Variants in SHROOM3 observed in about 807,000 individuals in gnomAD.
SHROOM3 encodes the protein shroom family member 3, also known as protein Shroom3.
A neutral mutation model predicts 138.6 loss-of-function variants in SHROOM3; 47 were observed. The observed-to-expected ratio is 0.34, with a 90% confidence interval of 0.27 to 0.43. The LOEUF (loss-of-function observed/expected upper bound fraction) is 0.43, where lower values mean the gene tolerates loss of function less well. SHROOM3 is among the 20% of genes least tolerant of loss of function. SHROOM3 has a pLI of 1.00. For missense variants in SHROOM3, 2,491 were observed against 2,596.5 expected, an observed-to-expected ratio of 0.96 and a Z score of 0.88; for synonymous variants, 1,062 against 1,063.3, an observed-to-expected ratio of 1.00 and a Z score of 0.02.
At chr4:76,675,299 A>T (rs1028191034) in intron 2 of SHROOM3, among the ~76,000 whole-genome samples, 2 of 152,204 alleles carry the variant, frequency 1.3e-5, no homozygotes, top group African/African-American at 4.8e-5. Flanking sequence ...CAGAATTCTT[A>T]ACCTGGCAAC....
intron 9 of SHROOM3, among the ~76,000 whole-genome samples, chr4:76,766,043 T>G (rs1002282367): frequency 3.3e-4 from 51 of 152,320 alleles, no homozygotes; most frequent in Middle Eastern, 3.4e-3. Context: ...GTGATGAAAG[T>G]CTGAAGCCAG....
At chr4:76,716,513 G>C (rs538709094) in intron 3 of SHROOM3, 34 of 447,468 alleles carry the variant, frequency 7.6e-5, no homozygotes, top group African/African-American at 6.3e-4. Context: ...TGCTATATCT[G>C]TTTATAAAGA....
At chr4:76,525,201 G>A (rs1344444159) in intron 1 of SHROOM3, among the ~76,000 whole-genome samples, 1 of 152,182 alleles carries the variant, frequency 6.6e-6, no homozygotes, top group Non-Finnish European at 1.5e-5. Flanking sequence ...TGCTGGGGAG[G>A]CCTCAGGAAA....
At chr4:76,473,646 T>A (rs1166858802) in intron 1 of SHROOM3, among the ~76,000 whole-genome samples, 4 of 152,048 alleles carry the variant, frequency 2.6e-5, no homozygotes, top group Non-Finnish European at 5.9e-5. Context: ...CATTTTAAAA[T>A]GGGCAAGAGG....
At chr4:76,518,013 T>C (rs1436104548) in intron 1 of SHROOM3, among the ~76,000 whole-genome samples, 1 of 152,204 alleles carries the variant, frequency 6.6e-6, no homozygotes, top group Non-Finnish European at 1.5e-5. Context: ...ATCAGATTTT[T>C]TTTAGTCCAG....
rs1446882534 is a variant in SHROOM3, at chr4:76,770,339, A to C, written c.5350-287A>C. On this transcript the variant is annotated intron_variant, in intron 9 of 10. Coordinates refer to ENST00000296043, the MANE Select transcript of SHROOM3 (RefSeq NM_020859.4). ...AACTCTGTCTCAAAAAAAAAAAAAAAAAAAAAAAAAAACAGAAGACAAAGC... is the reference window on the plus strand; with the variant it reads ...AACTCTGTCTCAAAAAAAAAAAAAACAAAAAAAAAAAACAGAAGACAAAGC... 5.4e-5 allele frequency among the ~76,000 whole-genome samples: 8 copies of C among 149,200 alleles called. No individual in the cohort carries two copies. The South Asian group carries it at 1.3e-3, about 24-fold the overall frequency.
At chr4:76,629,268 G>T (rs1160904376) in intron 2 of SHROOM3, among the ~76,000 whole-genome samples, 1 of 152,178 alleles carries the variant, frequency 6.6e-6, no homozygotes, top group Non-Finnish European at 1.5e-5. Flanking sequence ...AGACTCTAAG[G>T]CCAAGACCAT....
chr4:76,590,601 T>C (rs1311686505), intron 2 of SHROOM3, among the ~76,000 whole-genome samples: 1 of 152,004 alleles, frequency 6.6e-6, no homozygotes, highest in Non-Finnish European at 1.5e-5. Flanking sequence ...TCAGATTTTT[T>C]CTACACAGTG....
chr4:76,469,882 T>C (rs919986208), intron 1 of SHROOM3, among the ~76,000 whole-genome samples: 12 of 136,942 alleles, frequency 8.8e-5, no homozygotes, highest in African/African-American at 3.4e-4. Context: ...TTTTAAGAGA[T>C]AGAGCTTTAT....
At chr4:76,727,842 T>A (rs1265941459) in intron 3 of SHROOM3, among the ~76,000 whole-genome samples, 1 of 137,376 alleles carries the variant, frequency 7.3e-6, no homozygotes, top group African/African-American at 2.7e-5. Flanking sequence ...GAGCCAAGAT[T>A]GTGCCATTGC....
chr4:76,585,224 T>C (rs998327632), intron 2 of SHROOM3, among the ~76,000 whole-genome samples: 3 of 152,192 alleles, frequency 2.0e-5, no homozygotes, highest in African/African-American at 7.2e-5. Context: ...CATGCTCCCT[T>C]TCTCTCTTCT....
At chr4:76,521,383 T>C (rs762176064) in intron 1 of SHROOM3, among the ~76,000 whole-genome samples, 7 of 152,310 alleles carry the variant, frequency 4.6e-5, no homozygotes, top group Admixed American at 1.3e-4. Flanking sequence ...ATTACAAACA[T>C]ATTAGCTAAC....
At chr4:76,620,161 G>A (rs1560567427) in intron 2 of SHROOM3, among the ~76,000 whole-genome samples, 1 of 151,586 alleles carries the variant, frequency 6.6e-6, no homozygotes, top group Non-Finnish European at 1.5e-5. Context: ...GAAGCTCATC[G>A]ACTTGTGGAA....
chr4:76,663,107 A>G (rs1718589014), intron 2 of SHROOM3, among the ~76,000 whole-genome samples: 1 of 152,250 alleles, frequency 6.6e-6, no homozygotes, highest in African/African-American at 2.4e-5. Flanking sequence ...TTAAATCACC[A>G]TAAAAGTCTC....
chr4:76,476,944 CT>C (rs1052086856), intron 1 of SHROOM3, among the ~76,000 whole-genome samples: 30 of 152,046 alleles, frequency 2.0e-4, no homozygotes, highest in Non-Finnish European at 1.5e-5. Context: ...TGTTCATGAA[CT>C]ATATCTTAAC....
At chr4:76,655,323 A>G (rs985916842) in intron 2 of SHROOM3, among the ~76,000 whole-genome samples, 1 of 152,178 alleles carries the variant, frequency 6.6e-6, no homozygotes, top group South Asian at 2.1e-4. Flanking sequence ...CTTTAGACAC[A>G]GTGCTAAGGA....
At chr4:76,520,229 A>G (rs1732533999) in intron 1 of SHROOM3, among the ~76,000 whole-genome samples, 1 of 152,198 alleles carries the variant, frequency 6.6e-6, no homozygotes, top group South Asian at 2.1e-4. Flanking sequence ...CCAGGGTCAA[A>G]GAGAAATCAT....
chr4:76,568,556 A>G (rs578097033), intron 2 of SHROOM3, among the ~76,000 whole-genome samples: 12 of 152,266 alleles, frequency 7.9e-5, no homozygotes, highest in Admixed American at 7.8e-4. Flanking sequence ...CCTCTGTGAA[A>G]TGAGATCGAC....
At chr4:76,517,623 A>ATG (rs1364922234) in intron 1 of SHROOM3, among the ~76,000 whole-genome samples, 1 of 123,936 alleles carries the variant, frequency 8.1e-6, no homozygotes, top group Admixed American at 7.6e-5. Flanking sequence ...TTTGTTTGGT[A>ATG]TATATATATA....
Sources: allele counts gnomAD v4.1 joint callset (sites outside exome capture counted in the v4.1 genomes callset), GRCh38; gene constraint gnomAD v4.1.1; transcripts MANE v1.5; gene names NCBI Gene and HGNC (gene_info 2026-07-23, HGNC 2026-07-21).